Variants in CRYBG3 observed in about 807,000 individuals in gnomAD.
CRYBG3 encodes crystallin beta-gamma domain containing 3, also known as very large A-kinase anchor protein.
Under a neutral mutation model 244.2 loss-of-function variants are expected in CRYBG3, and 127 were observed. The observed-to-expected ratio is 0.52, with a 90% CI of 0.45 to 0.60. The LOEUF is 0.60. Among genes scored for constraint, CRYBG3 ranks in the 20% least tolerant of loss-of-function variants. The probability of loss-of-function intolerance (pLI) is 0.00; values close to 1 mark genes in which losing one functional copy is unlikely to be tolerated. For synonymous variants in CRYBG3, 1,132 were observed against 1,195.8 expected (o/e 0.95, Z 1.10); for missense variants, 3,325 against 3,442.5 (o/e 0.97, Z 0.85).
chr3:97,896,070 C>A lies in CRYBG3; in HGVS notation c.7686C>A (p.Phe2562Leu). The change falls in exon 12 of 22, where the codon TTC becomes TTA. Residue 2562 changes from phenylalanine to leucine, a missense_variant. By Grantham distance (22) the Phe-to-Leu change is conservative. Transcript: ENST00000389622. ...CATTAAGTAGCCCTATCTTGTCTTT[C>A]CGGTACTTACAAGCTGTGAGTTAGC... ...CGALSSPILS[F>L]RYLQANFIES... The A allele has an allele frequency of 6.2e-7, 1 of 1,610,626 alleles. No individual in the cohort carries two copies.
At chr3:97,919,869 C>A (rs528502282) in intron 17 of CRYBG3, among the ~76,000 whole-genome samples, 1 of 152,054 alleles carries the variant, frequency 6.6e-6, no homozygotes, top group Admixed American at 6.6e-5. Context: ...TGGCTGAATT[C>A]TTTCTCCCAT....
chr3:97,904,720 G>C (rs975596695), intron 15 of CRYBG3, among the ~76,000 whole-genome samples: 1 of 145,644 alleles, frequency 6.9e-6, no homozygotes, highest in Non-Finnish European at 1.5e-5. Flanking sequence ...AAGTTTCTGA[G>C]TCTTTTTTTT....
In CRYBG3 at chr3:97,874,478, A is replaced by G. The variant is rs546867608; in HGVS notation, c.3284A>G (p.Glu1095Gly). 801 of 1,534,214 alleles carry G rather than the reference A, an allele frequency of 5.2e-4. No individual in the cohort carries two copies. Among genetic ancestry groups the G allele is most frequent in the Non-Finnish European group, 6.4e-4 (739 of 1,146,230 alleles). The change falls in exon 4 of 22, where the codon GAA becomes GGA. Residue 1095 changes from glutamate (E) to glycine (G), a missense_variant. Glu to Gly is a moderately conservative substitution (Grantham distance 98). Transcript: ENST00000389622. ...SIQVTKDLTH[E>G]GTSVTNLLYP... is the part of the protein sequence containing the mutation. ...CAAGTTACCAAAGATCTCACACATGAAGGTACCTCTGTAACTAACCTGTTG... is the reference window on the plus strand; with the variant it reads ...CAAGTTACCAAAGATCTCACACATGGAGGTACCTCTGTAACTAACCTGTTG...
intron 2 of CRYBG3, among the ~76,000 whole-genome samples, chr3:97,847,716 A>T (rs1389795953): frequency 6.6e-6 from 1 of 152,192 alleles, no homozygotes; most frequent in Non-Finnish European, 1.5e-5. Flanking sequence ...ATAGCTTGGC[A>T]TCTGCCTTAT....
Position 97,933,772 on chromosome 3 carries a change from A to G in CRYBG3, c.8320A>G (p.Asn2774Asp), listed in dbSNP as rs1415647014. ...AGAGTTACATCTAGAAGAGGCTGTG[A>G]ACTCTGTTCTGAACAAGGACCTACA... Reference protein sequence around the residue: ...GRELHLEEAVNSVLNKDLHFY... With the variant: ...GRELHLEEAVDSVLNKDLHFY... The change falls in exon 18 of 22, where the codon AAC becomes GAC. Residue 2774 changes from asparagine (N) to aspartate (D), a missense_variant. Physicochemically the swap from Asn to Asp is conservative, Grantham distance 23. This residue lies in a region of CRYBG3 where 714 missense variants were observed against 803.6 expected (regional missense o/e 0.89). Transcript: ENST00000389622. 2 of 1,612,706 alleles carry G rather than the reference A, an allele frequency of 1.2e-6. No individual in the cohort carries two copies. The highest frequency in any genetic ancestry group is 1.7e-6 in the Non-Finnish European group (2 of 1,179,176).
chr3:97,871,759 A>T, intron 3 of CRYBG3, 83 bp from the exon 4 acceptor site: 5 of 961,676 alleles, frequency 5.2e-6, no homozygotes, highest in Non-Finnish European at 7.3e-6. Flanking sequence ...TGTTTAAAAG[A>T]TGTACTTTTA....
At chr3:97,849,833 G>T (rs1000248397) in intron 2 of CRYBG3, among the ~76,000 whole-genome samples, 1 of 152,136 alleles carries the variant, frequency 6.6e-6, no homozygotes, top group Non-Finnish European at 1.5e-5. Flanking sequence ...TGTTATTCTG[G>T]CCCAGTGCTT....
Position 97,892,873 on chromosome 3 carries a change from A to G in CRYBG3, c.7454A>G (p.Glu2485Gly). ...MPMNLKVIIY[E>G]KPHFHGQAKE... ...ATAATTTTTCAGGTTATTATTTATG[A>G]AAAACCTCACTTCCATGGACAGGCT... The change falls in exon 11 of 22, where the codon GAA becomes GGA. Residue 2485 changes from glutamate (E) to glycine (G), a missense_variant. Glu to Gly is a moderately conservative substitution (Grantham distance 98). Coordinates refer to ENST00000389622, the MANE Select transcript of CRYBG3 (RefSeq NM_153605.4). 2 of 1,488,036 alleles carry G rather than the reference A, an allele frequency of 1.3e-6. No individual in the cohort carries two copies. Among genetic ancestry groups the G allele is most frequent in the Non-Finnish European group, 1.8e-6 (2 of 1,095,456 alleles). 92.2% of individuals were successfully genotyped at this position (1,488,036 alleles called of 1,614,324 possible). A position where few individuals can be genotyped will look rare whatever the true frequency, so the allele number is the denominator to read the frequency against.
rs567825882 is a variant in CRYBG3, at chr3:97,859,164, T to C, written c.217-5053T>C. ...CTGGGGGCAGTATCGTCAGTGACAGTAGTCACCTAACAGTCCTGTTCCCAG... is the reference window on the plus strand; with the variant it reads ...CTGGGGGCAGTATCGTCAGTGACAGCAGTCACCTAACAGTCCTGTTCCCAG... On this transcript the variant is annotated intron_variant, in intron 2 of 21. Transcript: ENST00000389622. Among the ~76,000 whole-genome samples, 235 of 152,286 alleles carry C rather than the reference T, an allele frequency of 1.5e-3. 1 individual carries two copies. Among genetic ancestry groups the C allele is most frequent in the Admixed American group, 4.0e-3 (61 of 15,292 alleles).
intron 17 of CRYBG3, among the ~76,000 whole-genome samples, chr3:97,929,746 G>A (rs2107092867): frequency 6.6e-6 from 1 of 152,022 alleles, no homozygotes; most frequent in African/African-American, 2.4e-5. Flanking sequence ...TTGTCCAATA[G>A]GTTTCTTAGA....
chr3:97,915,721 C>T lies in CRYBG3; in HGVS notation c.8226C>T (p.Leu2742=). ...GCCCAGCATCTAAAGTCAAATCTCT[C>T]AAGCCCATTGACTATGTAAGTACTT... The part of the protein sequence containing the change: ...CGCPASKVKS[L]KPIDYVFEEP... Residue 2742 remains leucine (L), a synonymous_variant, in exon 17 of 22, where the codon CTC becomes CTT. Transcript: ENST00000389622. 1 of 1,612,056 alleles carries T rather than the reference C, an allele frequency of 6.2e-7. No individual in the cohort carries two copies. Among genetic ancestry groups the T allele is most frequent in the Non-Finnish European group, 8.5e-7 (1 of 1,178,512 alleles).
In CRYBG3 at chr3:97,875,045, G is replaced by T. The variant is rs1423445029; in HGVS notation, c.3851G>T (p.Gly1284Val). 1 of 1,534,840 alleles carries T rather than the reference G, an allele frequency of 6.5e-7. No individual in the cohort carries two copies. The highest frequency in any genetic ancestry group is 8.7e-7 in the Non-Finnish European group (1 of 1,146,528). Reference sequence around the variant, plus strand: ...AAGCCCTGTGTTTCACCAACAGTTGGTGAGAAGAATCTTCTTGTTGATCCT... The same window carrying T: ...AAGCCCTGTGTTTCACCAACAGTTGTTGAGAAGAATCTTCTTGTTGATCCT... ...KEKPCVSPTV[G>V]EKNLLVDPNS... Residue 1284 changes from glycine to valine, a missense_variant, in exon 4 of 22, where the codon GGT (glycine) becomes GTT (valine). Physicochemically the swap from Gly to Val is moderately radical, Grantham distance 109 (BLOSUM62 -3). Transcript: ENST00000389622.
At position 97,944,837 on chromosome 3, in the gene CRYBG3, C is replaced by G. The variant is rs1425675724; in HGVS notation, c.*1523C>G. 6.0e-6 allele frequency: 1 copy of G among 165,566 alleles called. No individual in the cohort carries two copies. Among genetic ancestry groups the G allele is most frequent in the African/African-American group, 2.4e-5 (1 of 41,938 alleles). 10.3% of individuals were successfully genotyped at this position (165,566 alleles called of 1,614,324 possible). A position where few individuals can be genotyped will look rare whatever the true frequency, so the allele number is the denominator to read the frequency against. ...TAATTGTTTGAAATTTTTCTAGAGCCAAAGAAGCTCTTTAAAGAAGTTGTT... is the reference window on the plus strand; with the variant it reads ...TAATTGTTTGAAATTTTTCTAGAGCGAAAGAAGCTCTTTAAAGAAGTTGTT... On this transcript the variant is annotated 3_prime_UTR_variant, in exon 22 of 22. Coordinates refer to ENST00000389622, the MANE Select transcript of CRYBG3 (RefSeq NM_153605.4).
chr3:97,869,335 G>C (rs2039273752), intron 3 of CRYBG3, among the ~76,000 whole-genome samples: 1 of 151,926 alleles, frequency 6.6e-6, no homozygotes, highest in South Asian at 2.1e-4. Context: ...TATTAAAATT[G>C]GTATGAAGTA....
At chr3:97,834,878 G>A (rs2038709953) in intron 1 of CRYBG3, among the ~76,000 whole-genome samples, 1 of 151,640 alleles carries the variant, frequency 6.6e-6, no homozygotes, top group Non-Finnish European at 1.5e-5. Flanking sequence ...TTCTCTTTTT[G>A]ATAGTAATAT....
At chr3:97,852,613 G>C (rs2039002316) in intron 2 of CRYBG3, among the ~76,000 whole-genome samples, 1 of 152,192 alleles carries the variant, frequency 6.6e-6, no homozygotes, top group African/African-American at 2.4e-5. Flanking sequence ...ATACTTAGCT[G>C]TTGTAAATAG....
At chr3:97,900,407 AG>A (rs769367677) in intron 14 of CRYBG3, 45 bp from the exon 15 acceptor site, 4 of 1,252,658 alleles carry the variant, frequency 3.2e-6, no homozygotes, top group South Asian at 1.3e-5. Context: ...TCAAAAAGAC[AG>A]ATTATGTGAT....
chr3:97,888,756 C>T (rs957602601), intron 9 of CRYBG3, among the ~76,000 whole-genome samples: 2 of 152,070 alleles, frequency 1.3e-5, no homozygotes, highest in Admixed American at 6.6e-5. Context: ...AATATCACAA[C>T]GTGGAGTAGC....
chr3:97,926,997 C>G lies in CRYBG3; in HGVS notation c.8242-6697C>G, dbSNP rs368005026. Among the ~76,000 whole-genome samples, 3 of 152,058 alleles carry G rather than the reference C, an allele frequency of 2.0e-5. No individual in the cohort carries two copies. In the South Asian group the frequency reaches 6.2e-4, roughly 31 times the overall value. ...ATTAAAATGGCCATACTGCCCGAAG[C>G]TATTTACAGATTCAATACTGTTCCT... On this transcript the variant is annotated intron_variant, in intron 17 of 21. Coordinates refer to ENST00000389622, the MANE Select transcript of CRYBG3 (RefSeq NM_153605.4).
Sources: allele counts gnomAD v4.1 joint callset (sites outside exome capture counted in the v4.1 genomes callset), GRCh38; gene constraint gnomAD v4.1.1; regional missense constraint gnomAD v4.1.1; transcripts MANE v1.5; gene names NCBI Gene and HGNC (gene_info 2026-07-23, HGNC 2026-07-21).